The following TRIO variants were observed in gnomAD, a reference collection of about 807,000 sequenced individuals.
The protein encoded by TRIO is triple functional domain protein.
Under a neutral mutation model 351.9 loss-of-function variants are expected in TRIO, and 58 were observed. The observed-to-expected ratio is 0.16, with a 90% confidence interval of 0.13 to 0.21. The LOEUF is 0.21. Ranked by LOEUF, TRIO falls within the 10% of genes least tolerant of loss-of-function variation. The pLI, the probability that TRIO is intolerant of heterozygous loss-of-function variation, is 1.00. For missense variants in TRIO, 3,201 were observed against 4,027.8 expected (o/e 0.79, Z 5.56); for synonymous variants, 1,758 against 1,595.7 (o/e 1.10, Z -2.42).
At chr5:14,456,524 A>C (rs1753325062) in intron 34 of TRIO, among the ~76,000 whole-genome samples, 1 of 152,248 alleles carries the variant, frequency 6.6e-6, no homozygotes, top group Admixed American at 6.5e-5. Context: ...AATCCTGAGC[A>C]AAAAAGTAAG....
At chr5:14,466,150 A>G (rs1286669793) in intron 37 of TRIO, 1 of 161,884 alleles carries the variant, frequency 6.2e-6, no homozygotes, top group Non-Finnish European at 1.4e-5. Flanking sequence ...CCAGGTAAAC[A>G]GACATTCTCA....
intron 1 of TRIO, chr5:14,184,004 GCT>G (rs1340673406): frequency 5.7e-6 from 4 of 697,324 alleles, no homozygotes. Flanking sequence ...TCTTATTTTG[GCT>G]CTCTGATGTG....
At chr5:14,157,489 C>T (rs1255341238) in intron 1 of TRIO, among the ~76,000 whole-genome samples, 1 of 149,154 alleles carries the variant, frequency 6.7e-6, no homozygotes, top group Non-Finnish European at 1.5e-5. Context: ...CTCTCTCTCC[C>T]TGTCTCCCTC....
intron 13 of TRIO, among the ~76,000 whole-genome samples, chr5:14,363,491 G>A (rs913328208): frequency 1.1e-4 from 17 of 151,832 alleles, no homozygotes; most frequent in African/African-American, 3.9e-4. Flanking sequence ...CTTCTCTTTC[G>A]GTATCTGTGG....
At chr5:14,277,158 GCCCTCA>G (rs1561282363) in intron 2 of TRIO, among the ~76,000 whole-genome samples, 1 of 152,182 alleles carries the variant, frequency 6.6e-6, no homozygotes, top group Non-Finnish European at 1.5e-5. Context: ...AAAGATGTTT[GCCCTCA>G]TGGAGCTTAT....
chr5:14,180,996 C>G (rs1030044929), intron 1 of TRIO, among the ~76,000 whole-genome samples: 24 of 152,028 alleles, frequency 1.6e-4, no homozygotes, highest in African/African-American at 5.6e-4. Flanking sequence ...AAAGAACATG[C>G]AAGAAAATTG....
In TRIO at chr5:14,175,463, G is replaced by A. The variant is rs183095928; in HGVS notation, c.157+31581G>A. On this transcript the variant is annotated intron_variant, in intron 1 of 56. Coordinates refer to ENST00000344204, the MANE Select transcript of TRIO (RefSeq NM_007118.4). ...CCATTTTTTGTTTGCTTTTTGCTGC[G>A]TAAATTATACATTCTTTGGAGCTAA... Among the ~76,000 whole-genome samples the A allele has an allele frequency of 1.4e-4, 21 of 151,648 alleles. No homozygotes were observed. In the East Asian group the frequency reaches 2.5e-3, roughly 18 times the overall value.
intron 1 of TRIO, among the ~76,000 whole-genome samples, chr5:14,255,741 T>C (rs1490464520): frequency 6.6e-6 from 1 of 152,236 alleles, no homozygotes; most frequent in Non-Finnish European, 1.5e-5. Flanking sequence ...TTAAATAATT[T>C]TGTACATAAA....
intron 34 of TRIO, among the ~76,000 whole-genome samples, chr5:14,457,251 C>T (rs1052636392): frequency 1.3e-5 from 2 of 151,946 alleles, no homozygotes; most frequent in African/African-American, 2.4e-5. Context: ...ATGTCACTTC[C>T]GTCATTCAAT....
chr5:14,245,321 A>G (rs1025226082), intron 1 of TRIO, among the ~76,000 whole-genome samples: 5 of 152,208 alleles, frequency 3.3e-5, no homozygotes, highest in African/African-American at 1.2e-4. Context: ...TCTTATTTCA[A>G]CTGGAACATT....
At chr5:14,393,861 G>C (rs1356037611) in intron 27 of TRIO, among the ~76,000 whole-genome samples, 177 bp from the exon 28 acceptor site, 5 of 152,208 alleles carry the variant, frequency 3.3e-5, no homozygotes, top group African/African-American at 1.2e-4. Flanking sequence ...TAACATTTTA[G>C]AAGCAAAGAA....
intron 1 of TRIO, among the ~76,000 whole-genome samples, chr5:14,226,630 A>G (rs1793051242): frequency 6.6e-6 from 1 of 152,244 alleles, no homozygotes; most frequent in African/African-American, 2.4e-5. Flanking sequence ...GCTGTAAGAC[A>G]TGGAATTTCT....
chr5:14,452,757 C>T (rs115410670), intron 34 of TRIO, among the ~76,000 whole-genome samples: 4,357 of 152,316 alleles, frequency 0.029, 88 homozygotes, highest in South Asian at 0.047. Context: ...CTCAGCAATG[C>T]AGTTGTTACT....
At position 14,166,458 on chromosome 5, in the gene TRIO, A is replaced by G. The variant is rs536844673; in HGVS notation, c.157+22576A>G. Among the ~76,000 whole-genome samples, 122 of 152,282 alleles carry G rather than the reference A, an allele frequency of 8.0e-4. 1 individual carries two copies. The highest frequency in any genetic ancestry group is 2.8e-3 in the African/African-American group (115 of 41,556). ...ATGCTTCTTAATTTCGGGGTAATTT[A>G]ATCCCTTTTTCTAAATTGTGGTATA... On this transcript the variant is annotated intron_variant, in intron 1 of 56. Transcript: ENST00000344204.
chr5:14,351,078 C>T (rs1410586502), intron 11 of TRIO, among the ~76,000 whole-genome samples: 1 of 152,192 alleles, frequency 6.6e-6, no homozygotes, highest in Non-Finnish European at 1.5e-5. Flanking sequence ...TGCTGCTCAC[C>T]TCCCACTGTG....
intron 1 of TRIO, among the ~76,000 whole-genome samples, chr5:14,183,432 G>C (rs1385415751): frequency 6.6e-6 from 1 of 151,998 alleles, no homozygotes; most frequent in Non-Finnish European, 1.5e-5. Context: ...TGCTTTAAAA[G>C]ATGCTTAAAA....
intron 34 of TRIO, among the ~76,000 whole-genome samples, chr5:14,460,317 G>A (rs969387626): frequency 3.9e-5 from 6 of 152,040 alleles, no homozygotes; most frequent in Non-Finnish European, 8.8e-5. Flanking sequence ...GCAAAGTCCC[G>A]GTGTGCCGCC....
chr5:14,233,989 G>A (rs1306164117), intron 1 of TRIO, among the ~76,000 whole-genome samples: 1 of 152,012 alleles, frequency 6.6e-6, no homozygotes, highest in South Asian at 2.1e-4. Context: ...GTGGAGACAG[G>A]GTGTCACTGT....
chr5:14,347,963 G>A (rs1015671804), intron 11 of TRIO, among the ~76,000 whole-genome samples: 1 of 152,210 alleles, frequency 6.6e-6, no homozygotes, highest in African/African-American at 2.4e-5. Context: ...TCACATAGGT[G>A]GCAACAGCAT....
Sources: gnomAD v4.1 joint callset for allele counts (sites outside exome capture counted in the v4.1 genomes callset) on GRCh38, gnomAD v4.1.1 for gene constraint, MANE v1.5 for transcripts, NCBI Gene and HGNC (gene_info 2026-07-23, HGNC 2026-07-21) for gene names.